TYW1B: variants seen among roughly 807,000 people sequenced by gnomAD.
The protein encoded by TYW1B is S-adenosyl-L-methionine-dependent tRNA 4-demethylwyosine synthase TYW1B.
A neutral mutation model predicts 86.9 loss-of-function variants in TYW1B; 73 were observed. The ratio of observed to expected loss-of-function variants is 0.84; its 90% CI spans 0.70 to 1.02. The LOEUF is 1.02. Among genes scored for constraint, TYW1B ranks in the 50% least tolerant of loss-of-function variants. The probability of loss-of-function intolerance (pLI) is 0.00; values close to 1 mark genes in which losing one functional copy is unlikely to be tolerated. For synonymous variants in TYW1B, 248 were observed against 292.8 expected, an observed-to-expected ratio of 0.85 and a Z score of 1.56; for missense variants, 637 against 827.4, an observed-to-expected ratio of 0.77 and a Z score of 2.82.
chr7:72,616,611 A>T (rs2129568415), intron 13 of TYW1B, 61 bp downstream of exon 13: 4 of 1,612,768 alleles, frequency 2.5e-6, no homozygotes, highest in Non-Finnish European at 3.4e-6. Context: ...ATAAAGAGAG[A>T]AGAGAAGGAA....
At chr7:72,614,917 C>A (rs1812033162) in intron 13 of TYW1B, among the ~76,000 whole-genome samples, 1 of 152,148 alleles carries the variant, frequency 6.6e-6, no homozygotes, top group African/African-American at 2.4e-5. Context: ...TAGACAGGGG[C>A]CAAGATTAAA....
At chr7:72,789,542 T>C (rs1299229600) in intron 6 of TYW1B, among the ~76,000 whole-genome samples, 3 of 152,202 alleles carry the variant, frequency 2.0e-5, no homozygotes, top group Non-Finnish European at 4.4e-5. Flanking sequence ...TATTAGGAAG[T>C]AAGTAACAAA....
At chr7:72,649,441 CAGA>C (rs1346763275) in intron 11 of TYW1B, among the ~76,000 whole-genome samples, 1 of 152,160 alleles carries the variant, frequency 6.6e-6, no homozygotes, top group Non-Finnish European at 1.5e-5. Flanking sequence ...AATCAATCAG[CAGA>C]AGATCATGTT....
At chr7:72,731,329 C>T (rs80162005) in intron 8 of TYW1B, among the ~76,000 whole-genome samples, 1 of 116,574 alleles carries the variant, frequency 8.6e-6, no homozygotes, top group East Asian at 2.6e-4. Context: ...ACTGGTAGGG[C>T]AGATATACAA....
At chr7:72,632,892 G>A (rs1285292451) in intron 11 of TYW1B, among the ~76,000 whole-genome samples, 1 of 152,164 alleles carries the variant, frequency 6.6e-6, no homozygotes, top group Admixed American at 6.6e-5. Flanking sequence ...AAGTTACACA[G>A]CTGGAGGGCA....
chr7:72,813,151 C>T (rs1788653455), intron 3 of TYW1B, among the ~76,000 whole-genome samples: 1 of 151,770 alleles, frequency 6.6e-6, no homozygotes, highest in Non-Finnish European at 1.5e-5. Flanking sequence ...GTTTGTCAAC[C>T]CCAGCTCTAC....
At chr7:72,808,665 C>T (rs1788541118) in intron 4 of TYW1B, among the ~76,000 whole-genome samples, 2 of 151,530 alleles carry the variant, frequency 1.3e-5, no homozygotes. Context: ...GTAGTTGGGA[C>T]TACAGGCATG....
At chr7:72,680,718 T>C (rs1813853772) in intron 11 of TYW1B, among the ~76,000 whole-genome samples, 2 of 152,058 alleles carry the variant, frequency 1.3e-5, no homozygotes, top group African/African-American at 4.8e-5. Flanking sequence ...TATGGAATGA[T>C]AAACACCAAA....
At chr7:72,734,195 T>C (rs1305611344) in intron 8 of TYW1B, among the ~76,000 whole-genome samples, 2 of 123,446 alleles carry the variant, frequency 1.6e-5, no homozygotes, top group South Asian at 5.2e-4. Context: ...CAGGTGGAGG[T>C]TGCAGTGAGC....
intron 11 of TYW1B, among the ~76,000 whole-genome samples, chr7:72,638,721 T>G (rs1554441101): frequency 6.6e-6 from 1 of 152,184 alleles, no homozygotes. Context: ...AATAAAACGG[T>G]CTTTGTTTAG....
chr7:72,712,448 C>T (rs1197731574), intron 10 of TYW1B, among the ~76,000 whole-genome samples: 1 of 152,114 alleles, frequency 6.6e-6, no homozygotes, highest in Non-Finnish European at 1.5e-5. Flanking sequence ...CCTGCCTCAG[C>T]CTCCCGAGTA....
chr7:72,815,172 G>A (rs1398235549), intron 3 of TYW1B, among the ~76,000 whole-genome samples: 4 of 151,586 alleles, frequency 2.6e-5, no homozygotes, highest in Non-Finnish European at 5.9e-5. Flanking sequence ...TAACACACCT[G>A]AAGAACAAGC....
intron 6 of TYW1B, among the ~76,000 whole-genome samples, chr7:72,786,499 C>T (rs1412468260): frequency 6.6e-6 from 1 of 151,310 alleles, no homozygotes; most frequent in Non-Finnish European, 1.5e-5. Flanking sequence ...GATGAAAAAG[C>T]AAAGAAAAAT....
At chr7:72,811,323 CAG>C (rs1201249932) in intron 3 of TYW1B, among the ~76,000 whole-genome samples, 14 of 148,460 alleles carry the variant, frequency 9.4e-5, no homozygotes, top group African/African-American at 3.0e-4. Context: ...AGAAAAAATG[CAG>C]AGAGATGGCC....
intron 7 of TYW1B, among the ~76,000 whole-genome samples, chr7:72,766,397 T>C (rs1272192187): frequency 6.6e-6 from 1 of 151,474 alleles, no homozygotes. Flanking sequence ...GTGGATCACT[T>C]GAGGTCAGGA....
rs145153159 is a variant in TYW1B at position 72,671,489 on chromosome 7, T to C, written c.1506+23198A>G. On this transcript the variant is annotated intron_variant, in intron 11 of 13. Transcript: ENST00000620995. ...GAATGTATGTCTCAGGGTAAATTACTAGATATGAACTGTTGACTCAAAGTG... is the reference window on the plus strand; with the variant it reads ...GAATGTATGTCTCAGGGTAAATTACCAGATATGAACTGTTGACTCAAAGTG... 4.8e-3 allele frequency among the ~76,000 whole-genome samples: 737 copies of C among 152,326 alleles called. 11 individuals carry two copies. The highest frequency in any genetic ancestry group is 0.016 in the African/African-American group (682 of 41,562).
At chr7:72,804,806 A>G (rs1788465340) in intron 5 of TYW1B, among the ~76,000 whole-genome samples, 1 of 152,192 alleles carries the variant, frequency 6.6e-6, no homozygotes, top group Non-Finnish European at 1.5e-5. Context: ...ACTGCACTCC[A>G]GCCTGGGGGA....
chr7:72,636,049 C>A (rs1295168034), intron 11 of TYW1B, among the ~76,000 whole-genome samples: 1 of 152,210 alleles, frequency 6.6e-6, no homozygotes, highest in Non-Finnish European at 1.5e-5. Context: ...AGAAATGATA[C>A]TTTTACAACC....
intron 6 of TYW1B, among the ~76,000 whole-genome samples, chr7:72,788,275 G>A (rs1788162604): frequency 6.6e-6 from 1 of 151,954 alleles, no homozygotes; most frequent in Non-Finnish European, 1.5e-5. Context: ...CACTGCACCC[G>A]GCCTCCTTGT....
Sources: allele counts gnomAD v4.1 joint callset (sites outside exome capture counted in the v4.1 genomes callset), GRCh38; gene constraint gnomAD v4.1.1; transcripts MANE v1.5; gene names NCBI Gene and HGNC (gene_info 2026-07-23, HGNC 2026-07-21).